PTPRD: variants seen among roughly 807,000 people sequenced by gnomAD.
The protein encoded by PTPRD is receptor-type tyrosine-protein phosphatase delta.
Under a neutral mutation model 214.5 loss-of-function variants are expected in PTPRD, and 34 were observed. That is an observed-to-expected ratio of 0.16 (90% CI 0.12 to 0.21). PTPRD has a LOEUF of 0.21. Among genes scored for constraint, PTPRD ranks in the 10% least tolerant of loss-of-function variants. The pLI is 1.00. For missense variants in PTPRD, 2,545 were observed against 2,398.7 expected (o/e 1.06, Z -1.27); for synonymous variants, 1,128 against 845.7 (o/e 1.33, Z -5.79).
chr9:9,764,462 TAAAGAC>T (rs2098690202), intron 6 of PTPRD, among the ~76,000 whole-genome samples: 1 of 152,120 alleles, frequency 6.6e-6, no homozygotes, highest in Non-Finnish European at 1.5e-5. Context: ...CCTAAAAAGA[TAAAGAC>T]AAATATTATC....
At chr9:9,502,540 A>T (rs570969647) in intron 8 of PTPRD, among the ~76,000 whole-genome samples, 11 of 152,020 alleles carry the variant, frequency 7.2e-5, no homozygotes, top group African/African-American at 2.2e-4. Context: ...CTTTCTTATG[A>T]CCTTACACAT....
chr9:9,873,152 A>G (rs1242980196), intron 5 of PTPRD, among the ~76,000 whole-genome samples: 1 of 152,188 alleles, frequency 6.6e-6, no homozygotes, highest in East Asian at 1.9e-4. Flanking sequence ...GATCCGACGA[A>G]GAAATATTAT....
chr9:9,885,718 A>T (rs2070621358), intron 5 of PTPRD, among the ~76,000 whole-genome samples: 1 of 152,090 alleles, frequency 6.6e-6, no homozygotes, highest in Admixed American at 6.6e-5. Context: ...AAAGGCAACA[A>T]AATAGGTTAT....
chr9:8,320,837 G>C (rs12001948), intron 44 of PTPRD, among the ~76,000 whole-genome samples: 2,365 of 152,110 alleles, frequency 0.016, 49 homozygotes, highest in African/African-American at 0.055. Context: ...TGCACTTAAG[G>C]AGGAAAGCAA....
chr9:8,631,796 T>C (rs904973246), intron 14 of PTPRD, among the ~76,000 whole-genome samples: 5 of 151,538 alleles, frequency 3.3e-5, no homozygotes, highest in Non-Finnish European at 5.9e-5. Flanking sequence ...CCCTCCCTTG[T>C]TTTTAGCAAC....
chr9:8,880,111 G>C (rs2098430646), intron 11 of PTPRD, among the ~76,000 whole-genome samples: 1 of 152,130 alleles, frequency 6.6e-6, no homozygotes, highest in South Asian at 2.1e-4. Flanking sequence ...ATTCCTGGGT[G>C]AAAAGTAGCT....
chr9:9,450,600 A>G (rs1016317918), intron 8 of PTPRD, among the ~76,000 whole-genome samples: 3 of 151,932 alleles, frequency 2.0e-5, no homozygotes, highest in Non-Finnish European at 4.4e-5. Flanking sequence ...ATAGATATGA[A>G]TATTCTGATT....
intron 9 of PTPRD, among the ~76,000 whole-genome samples, chr9:9,211,973 T>G (rs13283501): frequency 0.047 from 7,168 of 152,170 alleles, 425 homozygotes; most frequent in African/African-American, 0.14. Flanking sequence ...TCTCCCCAAG[T>G]TTAATGAACA....
chr9:8,601,803 G>A (rs2094885018), intron 14 of PTPRD, among the ~76,000 whole-genome samples: 1 of 152,064 alleles, frequency 6.6e-6, no homozygotes, highest in Non-Finnish European at 1.5e-5. Flanking sequence ...TATCAGGGTT[G>A]GAAAAGGAAA....
At chr9:9,864,863 T>G (rs1261977881) in intron 5 of PTPRD, among the ~76,000 whole-genome samples, 14 of 152,288 alleles carry the variant, frequency 9.2e-5, no homozygotes, top group South Asian at 6.2e-4. Context: ...CATTAAAATT[T>G]ATTACACATT....
chr9:8,946,582 G>T (rs999887285), intron 11 of PTPRD, among the ~76,000 whole-genome samples: 2 of 152,148 alleles, frequency 1.3e-5, no homozygotes, highest in African/African-American at 4.8e-5. Flanking sequence ...CAACACTCTT[G>T]CATTCTTCTA....
At chr9:8,375,774 T>C (rs151047239) in intron 39 of PTPRD, among the ~76,000 whole-genome samples, 162 bp downstream of exon 39, 33 of 152,214 alleles carry the variant, frequency 2.2e-4, no homozygotes, top group Non-Finnish European at 4.4e-4. Flanking sequence ...CTATGTCAAA[T>C]CCATCCTATT....
intron 3 of PTPRD, among the ~76,000 whole-genome samples, chr9:10,172,317 A>T (rs1162365225): frequency 6.6e-6 from 1 of 152,186 alleles, no homozygotes; most frequent in East Asian, 1.9e-4. Context: ...ATCTACTAAT[A>T]TCACCACCCC....
intron 9 of PTPRD, among the ~76,000 whole-genome samples, chr9:9,214,768 T>C (rs1353815788): frequency 6.6e-6 from 1 of 152,222 alleles, no homozygotes; most frequent in East Asian, 1.9e-4. Flanking sequence ...TACATTTACA[T>C]AGTGCCTACT....
rs760240241 is a variant in PTPRD, at chr9:8,389,377, T to C, written c.4241A>G (p.Asn1414Ser). 9.9e-6 allele frequency: 16 copies of C among 1,610,756 alleles called. No homozygotes were observed. The highest frequency in any genetic ancestry group is 1.3e-5 in the Non-Finnish European group (15 of 1,178,464). Residue 1414 changes from asparagine to serine, a missense_variant, in exon 37 of 46, where the codon AAC (asparagine) becomes AGC (serine). Coordinates refer to ENST00000381196, the MANE Select transcript of PTPRD (RefSeq NM_002839.4). ...GIPGSDYVNANYIDGYRKQNA... is the reference protein window; with the variant it reads ...GIPGSDYVNASYIDGYRKQNA... Reference sequence around the variant, plus strand: ...TTGCTTCCTATACCCATCTATGTAGTTGGCATTCACATAGTCACTTCCTGG... The same window carrying C: ...TTGCTTCCTATACCCATCTATGTAGCTGGCATTCACATAGTCACTTCCTGG...
chr9:8,605,376 C>A (rs778647683), intron 14 of PTPRD, among the ~76,000 whole-genome samples: 1 of 152,036 alleles, frequency 6.6e-6, no homozygotes, highest in African/African-American at 2.4e-5. Flanking sequence ...CTCATTCAAC[C>A]GAACTAGAGA....
intron 3 of PTPRD, among the ~76,000 whole-genome samples, chr9:10,129,883 G>C (rs34655498): frequency 6.6e-6 from 1 of 151,702 alleles, no homozygotes; most frequent in Non-Finnish European, 1.5e-5. Context: ...CTAAACAAAA[G>C]CTTATTTGAG....
intron 32 of PTPRD, among the ~76,000 whole-genome samples, chr9:8,463,869 G>C (rs901755395): frequency 6.6e-6 from 1 of 151,768 alleles, no homozygotes; most frequent in African/African-American, 2.4e-5. Context: ...TTACACAAAG[G>C]CTTTATTACT....
At chr9:9,469,478 G>C (rs1001666292) in intron 8 of PTPRD, among the ~76,000 whole-genome samples, 1 of 152,070 alleles carries the variant, frequency 6.6e-6, no homozygotes, top group African/African-American at 2.4e-5. Flanking sequence ...CCCATCTACT[G>C]AGCTTGAGAC....
Sources: allele counts gnomAD v4.1 joint callset (sites outside exome capture counted in the v4.1 genomes callset), GRCh38; gene constraint gnomAD v4.1.1; transcripts MANE v1.5; gene names NCBI Gene and HGNC (gene_info 2026-07-23, HGNC 2026-07-21).